The following TMEM26 variants were observed in gnomAD, a reference collection of about 807,000 sequenced individuals.
TMEM26 encodes the protein transmembrane protein 26.
In TMEM26, 38 loss-of-function variants were observed where a neutral mutation model predicts 28.8. The observed-to-expected ratio is 1.32, with a 90% CI of 1.02 to 1.73. The LOEUF (loss-of-function observed/expected upper bound fraction) is 1.73, where lower values mean the gene tolerates loss of function less well. Among genes scored for constraint, TMEM26 ranks in the 40% most tolerant of loss-of-function variants. TMEM26 has a pLI of 0.00. For missense variants in TMEM26, 518 were observed against 447.1 expected (o/e 1.16, Z -1.43); for synonymous variants, 227 against 182.9 (o/e 1.24, Z -1.95).
At chr10:61,436,785 T>A (rs1840015488) in intron 1 of TMEM26, among the ~76,000 whole-genome samples, 1 of 152,222 alleles carries the variant, frequency 6.6e-6, no homozygotes, top group Non-Finnish European at 1.5e-5. Context: ...GCTAAACCTA[T>A]AAAATAAAAA....
At chr10:61,433,458 A>G (rs1033842688) in intron 2 of TMEM26, among the ~76,000 whole-genome samples, 7 of 152,140 alleles carry the variant, frequency 4.6e-5, no homozygotes, top group African/African-American at 1.7e-4. Flanking sequence ...ATTAGCTTCA[A>G]AAATATTCCT....
At chr10:61,443,461 T>C (rs1408498325) in intron 1 of TMEM26, among the ~76,000 whole-genome samples, 2 of 145,146 alleles carry the variant, frequency 1.4e-5, no homozygotes, top group Non-Finnish European at 3.0e-5. Flanking sequence ...GGAGACTCCA[T>C]CTCAAAAAAA....
At chr10:61,422,304 G>T (rs554542900) in intron 4 of TMEM26, among the ~76,000 whole-genome samples, 262 of 152,120 alleles carry the variant, frequency 1.7e-3, no homozygotes, top group African/African-American at 6.2e-3. Context: ...ATCAAGCAAG[G>T]TGATGTAACT....
intron 2 of TMEM26, among the ~76,000 whole-genome samples, chr10:61,431,537 A>T (rs1350818402): frequency 6.6e-6 from 1 of 152,110 alleles, no homozygotes; most frequent in East Asian, 1.9e-4. Context: ...CAAGTATACA[A>T]ATCTTATTTT....
rs776840110 is a variant in TMEM26, at chr10:61,410,574, C to T, written c.855G>A (p.Met285Ile). Residue 285 changes from methionine (M) to isoleucine (I), a missense_variant, in exon 6 of 6, where the codon ATG becomes ATA. Met to Ile is a conservative substitution (Grantham distance 10). Coordinates refer to ENST00000399298, the MANE Select transcript of TMEM26 (RefSeq NM_178505.8). ...LMTYFKVINQ[M>I]LVFFAAKNFL... ...AGTTCTTCGCGGCAAAGAACACCAG[C>T]ATCTGATTGATCACTTTGAAATAGG... is the stretch of plus-strand genomic sequence containing the variant. 4 of 1,614,134 alleles carry T rather than the reference C, an allele frequency of 2.5e-6. No individual in the cohort carries two copies. Among genetic ancestry groups the T allele is most frequent in the Non-Finnish European group, 3.4e-6 (4 of 1,180,034 alleles).
Position 61,418,733 on chromosome 10 carries a change from T to C in TMEM26, c.606-5198A>G, listed in dbSNP as rs148284159. The stretch of plus-strand genomic sequence containing the variant: ...TGCTACTTTGAGACTGCAGTCCTAG[T>C]TGGAGTGGGTAATGAACTAACTTTA... On this transcript the variant is annotated intron_variant, in intron 4 of 5. Transcript: ENST00000399298. Among the ~76,000 whole-genome samples, 3 of 152,178 alleles carry C rather than the reference T, an allele frequency of 2.0e-5. No individual in the cohort carries two copies. In the East Asian group the frequency reaches 5.8e-4, roughly 29 times the overall value.
At chr10:61,419,996 G>C (rs1281271490) in intron 4 of TMEM26, among the ~76,000 whole-genome samples, 1 of 152,072 alleles carries the variant, frequency 6.6e-6, no homozygotes, top group Non-Finnish European at 1.5e-5. Flanking sequence ...GTGGGGGTTA[G>C]TTAAGGGAAC....
intron 2 of TMEM26, among the ~76,000 whole-genome samples, chr10:61,432,758 A>G (rs975066241): frequency 6.6e-6 from 1 of 152,198 alleles, no homozygotes; most frequent in African/African-American, 2.4e-5. Flanking sequence ...GAAAGTCTGC[A>G]AGAAGCTGTT....
rs757285822 is a variant in TMEM26 at position 61,453,088 on chromosome 10, C to T, written c.-7G>A. 1.2e-6 allele frequency: 2 copies of T among 1,610,722 alleles called. No individual in the cohort carries two copies. Among genetic ancestry groups the T allele is most frequent in the South Asian group, 1.1e-5 (1 of 91,014 alleles). The stretch of plus-strand genomic sequence containing the variant: ...GGAAGACCAGTCCCTCCATGCTGGC[C>T]GGAGCACTCTGCCTACGTCCCCTTG... On this transcript the variant is annotated 5_prime_UTR_variant, in exon 1 of 6. Transcript: ENST00000399298.
chr10:61,442,032 ATTTGT>A (rs1297626768), intron 1 of TMEM26, among the ~76,000 whole-genome samples: 1 of 148,166 alleles, frequency 6.7e-6, no homozygotes, highest in Non-Finnish European at 1.5e-5. Context: ...TTAAAAATTC[ATTTGT>A]TTTGTTTTAT....
intron 1 of TMEM26, 116 bp downstream of exon 1, chr10:61,452,775 A>G: frequency 1.5e-6 from 2 of 1,325,676 alleles, no homozygotes; most frequent in Non-Finnish European, 2.1e-6. Flanking sequence ...TCAGCGAGGA[A>G]AAACGGGGTC....
rs1269809191 is a variant in TMEM26 at position 61,408,963 on chromosome 10, C to T, written c.*1359G>A. ...TTGTCCCAACTGGTTGTCAATAAGTCATACCAAATTAAGGGCATACCCCAC... is the reference window on the plus strand; with the variant it reads ...TTGTCCCAACTGGTTGTCAATAAGTTATACCAAATTAAGGGCATACCCCAC... On this transcript the variant is annotated 3_prime_UTR_variant, in exon 6 of 6. Transcript: ENST00000399298. The T allele has an allele frequency of 6.6e-6, 1 of 152,140 alleles. No homozygotes were observed. Among genetic ancestry groups the T allele is most frequent in the Non-Finnish European group, 1.5e-5 (1 of 68,014 alleles). The allele number at this position is 152,140 out of a possible 1,614,324, so 9.4% of individuals were successfully genotyped here.
rs1839556957 is a variant in TMEM26, at chr10:61,410,760, A to T, written c.683-14T>A. The T allele has an allele frequency of 6.2e-7, 1 of 1,611,036 alleles. No homozygotes were observed. Among genetic ancestry groups the T allele is most frequent in the African/African-American group, 1.3e-5 (1 of 74,818 alleles). On this transcript the variant is annotated splice_polypyrimidine_tract_variant and intron_variant, in intron 5 of 5. Transcript: ENST00000399298. ...CAACGTTCTGTACTGAAAACACAAGACAGACTAGTTACTATCTCTCTTGGA... is the reference window on the plus strand; with the variant it reads ...CAACGTTCTGTACTGAAAACACAAGTCAGACTAGTTACTATCTCTCTTGGA...
chr10:61,434,184 TCA>T, intron 2 of TMEM26, among the ~76,000 whole-genome samples: 1 of 152,192 alleles, frequency 6.6e-6, no homozygotes, highest in East Asian at 1.9e-4. Context: ...TCATTTCTGC[TCA>T]GTCTGCCCAA....
intron 1 of TMEM26, 139 bp from the exon 2 acceptor site, chr10:61,436,387 T>C (rs1840009596): frequency 9.6e-6 from 5 of 518,252 alleles, no homozygotes; most frequent in South Asian, 9.2e-5. Flanking sequence ...CTTCAAAGTG[T>C]TTATTTCAAT....
intron 4 of TMEM26, among the ~76,000 whole-genome samples, chr10:61,427,473 T>C (rs2135306667): frequency 6.6e-6 from 1 of 152,250 alleles, no homozygotes; most frequent in South Asian, 2.1e-4. Context: ...ATTTGGGTTT[T>C]TTCGTTCATT....
chr10:61,448,536 A>G (rs1840223634), intron 1 of TMEM26, among the ~76,000 whole-genome samples: 1 of 152,040 alleles, frequency 6.6e-6, no homozygotes, highest in Non-Finnish European at 1.5e-5. Context: ...AATATTCATA[A>G]TTATTCTGAT....
At chr10:61,414,006 A>G in intron 4 of TMEM26, 2 of 987,862 alleles carry the variant, frequency 2.0e-6, no homozygotes, top group Non-Finnish European at 2.4e-6. Context: ...TAAAATTGTC[A>G]TTAGATAGGA....
intron 1 of TMEM26, among the ~76,000 whole-genome samples, chr10:61,443,412 C>A (rs908857101): frequency 1.3e-5 from 2 of 150,726 alleles, no homozygotes; most frequent in Non-Finnish European, 2.9e-5. Flanking sequence ...TAGCAGTGAG[C>A]GGAGATTGGG....
Sources: allele counts gnomAD v4.1 joint callset (sites outside exome capture counted in the v4.1 genomes callset), GRCh38; gene constraint gnomAD v4.1.1; transcripts MANE v1.5; gene names NCBI Gene and HGNC (gene_info 2026-07-23, HGNC 2026-07-21).